The following GLDC variants were observed in gnomAD, a reference collection of about 807,000 sequenced individuals.
GLDC encodes the protein glycine dehydrogenase (decarboxylating), mitochondrial.
Under a neutral mutation model 121.3 loss-of-function variants are expected in GLDC, and 104 were observed. The observed-to-expected ratio is 0.86, with a 90% CI of 0.73 to 1.01. The LOEUF is 1.01. Among genes scored for constraint, GLDC ranks in the 50% least tolerant of loss-of-function variants. The pLI is 0.00. For synonymous variants in GLDC, 546 were observed against 480.6 expected, an observed-to-expected ratio of 1.14 and a Z score of -1.78; for missense variants, 1,429 against 1,306.6, an observed-to-expected ratio of 1.09 and a Z score of -1.44.
intron 8 of GLDC, among the ~76,000 whole-genome samples, chr9:6,601,336 C>T (rs1818606280): frequency 6.6e-6 from 1 of 152,144 alleles, no homozygotes; most frequent in African/African-American, 2.4e-5. Context: ...GTCTCAACTG[C>T]CACCCATAAC....
chr9:6,578,106 A>G (rs914112920), intron 15 of GLDC, among the ~76,000 whole-genome samples: 2 of 151,618 alleles, frequency 1.3e-5, no homozygotes, highest in South Asian at 2.1e-4. Flanking sequence ...GTAGAGACTA[A>G]GTCTCACTAT....
intron 15 of GLDC, among the ~76,000 whole-genome samples, chr9:6,579,378 G>T (rs1009262526): frequency 6.6e-6 from 1 of 151,852 alleles, no homozygotes; most frequent in Non-Finnish European, 1.5e-5. Context: ...TGAATCTTCT[G>T]AATCTGTCTT....
In GLDC at chr9:6,629,943, A is replaced by ATATATATATATATATATGTG. The variant is rs1554650756; in HGVS notation, c.335-9625_335-9624insCACATATATATATATATATA. Among the ~76,000 whole-genome samples, 142 of 80,528 alleles carry ATATATATATATATATATGTG rather than the reference A, an allele frequency of 1.8e-3. 1 individual carries two copies. The highest frequency in any genetic ancestry group is 0.011 in the African/African-American group (128 of 12,160). The allele number at this position is 80,528 out of a possible 152,430, so 52.8% of individuals were successfully genotyped here. A position where few individuals can be genotyped will look rare whatever the true frequency, so the allele number is the denominator to read the frequency against. On this transcript the variant is annotated intron_variant, in intron 2 of 24. Transcript: ENST00000321612. The stretch of plus-strand genomic sequence containing the variant: ...CTTGCTTTTCACTATATATATATAT[A>ATATATATATATATATATGTG]TGTATATATATATATTTTTTTTTTT...
intron 16 of GLDC, among the ~76,000 whole-genome samples, chr9:6,561,188 C>G (rs1464673431): frequency 6.6e-6 from 1 of 152,116 alleles, no homozygotes; most frequent in Non-Finnish European, 1.5e-5. Flanking sequence ...ATCATAGCAG[C>G]CATAGGAAAC....
chr9:6,538,913 T>C (rs954643764), intron 22 of GLDC, among the ~76,000 whole-genome samples: 1 of 152,238 alleles, frequency 6.6e-6, no homozygotes, highest in African/African-American at 2.4e-5. Context: ...ATTTCATTAA[T>C]GAAGCCTTTC....
At chr9:6,576,491 G>A (rs1442592600) in intron 15 of GLDC, among the ~76,000 whole-genome samples, 1 of 151,930 alleles carries the variant, frequency 6.6e-6, no homozygotes, top group African/African-American at 2.4e-5. Flanking sequence ...TTTGAGATGG[G>A]GTTTCACTCT....
rs747818438 is a variant in GLDC, at chr9:6,564,879, A to AGTTG, written c.1926+471_1926+474dup. Among the ~76,000 whole-genome samples the AGTTG allele has an allele frequency of 5.3e-5, 8 of 152,368 alleles. No individual in the cohort carries two copies. In the South Asian group the frequency reaches 1.7e-3, roughly 32 times the overall value. On this transcript the variant is annotated intron_variant, in intron 16 of 24. Coordinates refer to ENST00000321612, the MANE Select transcript of GLDC (RefSeq NM_000170.3). Reference sequence around the variant, plus strand: ...GCTTTATGCCTTTTTTGGTGCTTGAAGTTGAGAATCATCTAATGGAGAATT... The same window carrying AGTTG: ...GCTTTATGCCTTTTTTGGTGCTTGAAGTTGGTTGAGAATCATCTAATGGAGAATT...
chr9:6,537,965 C>A (rs1468300804), intron 22 of GLDC, among the ~76,000 whole-genome samples: 2 of 152,130 alleles, frequency 1.3e-5, no homozygotes, highest in Admixed American at 1.3e-4. Flanking sequence ...ACTCTTAAAC[C>A]CTTCAGCATA....
intron 2 of GLDC, among the ~76,000 whole-genome samples, chr9:6,635,826 G>A (rs1819489431): frequency 6.6e-6 from 1 of 151,814 alleles, no homozygotes; most frequent in African/African-American, 2.4e-5. Flanking sequence ...ACAGAGCTGT[G>A]ATCATTCCAC....
At chr9:6,624,898 G>A (rs995944506) in intron 2 of GLDC, among the ~76,000 whole-genome samples, 1 of 151,878 alleles carries the variant, frequency 6.6e-6, no homozygotes, top group Non-Finnish European at 1.5e-5. Flanking sequence ...TGACACAGGA[G>A]AATCGCTTGA....
intron 16 of GLDC, among the ~76,000 whole-genome samples, chr9:6,559,816 A>G (rs991680333): frequency 2.0e-5 from 3 of 149,158 alleles, no homozygotes; most frequent in African/African-American, 7.3e-5. Flanking sequence ...CTCCGTCTCA[A>G]AAAAAAAAAA....
chr9:6,575,590 C>T (rs1405179749), intron 15 of GLDC, among the ~76,000 whole-genome samples: 1 of 152,242 alleles, frequency 6.6e-6, no homozygotes, highest in Non-Finnish European at 1.5e-5. Context: ...ATTTAAGAAT[C>T]TTCCCATGAA....
intron 15 of GLDC, among the ~76,000 whole-genome samples, chr9:6,568,653 G>C (rs924837995): frequency 3.9e-5 from 6 of 151,944 alleles, no homozygotes; most frequent in African/African-American, 9.7e-5. Context: ...TTCGAGACCA[G>C]CCTGGCCAAC....
intron 14 of GLDC, 61 bp from the exon 15 acceptor site, chr9:6,587,344 C>G: frequency 8.2e-7 from 1 of 1,212,322 alleles, no homozygotes; most frequent in South Asian, 1.2e-5. Flanking sequence ...GCAATAATAA[C>G]TTTAATAATA....
Position 6,644,707 on chromosome 9 carries a change from C to G in GLDC, c.256-15G>C, listed in dbSNP as rs189719025. On this transcript the variant is annotated splice_polypyrimidine_tract_variant and intron_variant, in intron 1 of 24. Coordinates refer to ENST00000321612, the MANE Select transcript of GLDC (RefSeq NM_000170.3). ...TCATCAATGCTCTAAAATTAAAACG[C>G]AAGGCAGAGGAAAGTGCCTCTGAGT... is the stretch of plus-strand genomic sequence containing the variant. 6.3e-7 allele frequency: 1 copy of G among 1,590,114 alleles called. No homozygotes were observed. The highest frequency in any genetic ancestry group is 2.2e-5 in the East Asian group (1 of 44,766).
At chr9:6,598,979 G>A (rs1029450863) in intron 8 of GLDC, among the ~76,000 whole-genome samples, 2 of 152,024 alleles carry the variant, frequency 1.3e-5, no homozygotes, top group Admixed American at 6.6e-5. Context: ...TCAGGAGTTC[G>A]AGACCAGCCT....
chr9:6,595,175 T>C lies in GLDC; in HGVS notation c.1156-56A>G, dbSNP rs112438601. On this transcript the variant is annotated intron_variant, in intron 8 of 24. Transcript: ENST00000321612. ...TGATGGAGGACAATTAGTGGGAGGG[T>C]GTAATTACTTGACTTGGGATGTCAA... is the stretch of plus-strand genomic sequence containing the variant. 5,912 of 1,100,478 alleles carry C rather than the reference T, an allele frequency of 5.4e-3. 214 individuals are homozygous for C. The African/African-American group carries it at 0.078, about 15-fold the overall frequency. 68.2% of individuals were successfully genotyped at this position (1,100,478 alleles called of 1,614,324 possible). A position where few individuals can be genotyped will look rare whatever the true frequency, so the allele number is the denominator to read the frequency against.
chr9:6,644,387 G>C (rs1479989554), intron 2 of GLDC: 9 of 598,400 alleles, frequency 1.5e-5, no homozygotes, highest in East Asian at 2.8e-5. Flanking sequence ...CTAGGATAAA[G>C]ACCAAGAACC....
rs1817130398 is a variant in GLDC, at chr9:6,536,338, C to A, written c.2666-102G>T. On this transcript the variant is annotated intron_variant, in intron 22 of 24. Transcript: ENST00000321612. The stretch of plus-strand genomic sequence containing the variant: ...TTCTTATATTTTATCCTAAGAAAAT[C>A]ATCAGATACATTTGCAAATGTATGT... 95 of 1,013,960 alleles carry A rather than the reference C, an allele frequency of 9.4e-5. 1 individual carries two copies. The South Asian group carries it at 1.3e-3, about 14-fold the overall frequency. 62.8% of individuals were successfully genotyped at this position (1,013,960 alleles called of 1,614,324 possible).
Sources: gnomAD v4.1 joint callset for allele counts (sites outside exome capture counted in the v4.1 genomes callset) on GRCh38, gnomAD v4.1.1 for gene constraint, MANE v1.5 for transcripts, NCBI Gene and HGNC (gene_info 2026-07-23, HGNC 2026-07-21) for gene names.